The following IMP4 variants were observed in gnomAD, a reference collection of about 807,000 sequenced individuals.
IMP4 encodes the protein IMP U3 small nucleolar ribonucleoprotein 4.
In IMP4, 30 loss-of-function variants were observed where a neutral mutation model predicts 42.7. The observed-to-expected ratio is 0.70, with a 90% confidence interval of 0.53 to 0.95. The LOEUF (loss-of-function observed/expected upper bound fraction) is 0.95. Ranked by LOEUF, IMP4 falls within the 40% of genes least tolerant of loss-of-function variation. The probability of loss-of-function intolerance (pLI) is 0.00; values close to 1 mark genes in which losing one functional copy is unlikely to be tolerated. For synonymous variants in IMP4, 165 were observed against 165.2 expected (o/e 1.00, Z 0.01); for missense variants, 382 against 411.4 (o/e 0.93, Z 0.62).
chr2:130,345,406 G>A lies in IMP4; in HGVS notation c.227G>A (p.Arg76Gln), dbSNP rs1312400480. 7.4e-6 allele frequency: 12 copies of A among 1,614,020 alleles called. No homozygotes were observed. Among genetic ancestry groups the A allele is most frequent in the Non-Finnish European group, 6.8e-6 (8 of 1,179,942 alleles). The change falls in exon 4 of 9, where the codon CGA (arginine) becomes CAA (glutamine). Residue 76 changes from arginine (R) to glutamine (Q), a missense_variant. Coordinates refer to ENST00000259239, the MANE Select transcript of IMP4 (RefSeq NM_033416.3). This position sits in a 1 kb window ranked among gnomAD's most constrained non-coding sequence, Gnocchi z 4.9. ...ACCAGCCACGTGGATGATGAATACC[G>A]ATGGGCAGGAGTCGAGGATCCCAAG... ...GVTSHVDDEYRWAGVEDPKVM... is the reference protein window; with the variant it reads ...GVTSHVDDEYQWAGVEDPKVM...
intron 2 of IMP4, 125 bp from the exon 3 acceptor site, chr2:130,344,504 C>G: frequency 1.4e-6 from 1 of 711,338 alleles, no homozygotes; most frequent in Non-Finnish European, 2.5e-6. Context: ...ATGCTTTATC[C>G]AAGCTCAGAA....
rs1253279071 is a variant in IMP4, at chr2:130,346,396, A to G, written c.804A>G (p.Thr268=). ...TGGGCACGCTGGAGCAGGAGGCCAC[A>G]GCAGACGTGGAGTGGCGCTGGCACC... ...IRLGTLEQEA[T]ADVEWRWHPY... is the part of the protein sequence containing the mutation. The change falls in exon 9 of 9, where the codon ACA becomes ACG. Residue 268 remains threonine, a synonymous_variant. Transcript: ENST00000259239. 21 of 1,579,822 alleles carry G rather than the reference A, an allele frequency of 1.3e-5. No homozygotes were observed. The highest frequency in any genetic ancestry group is 1.8e-5 in the Non-Finnish European group (21 of 1,162,766).
Position 130,345,803 on chromosome 2 carries a change from C to T in IMP4, c.464C>T (p.Pro155Leu), listed in dbSNP as rs142910137. 6.1e-5 allele frequency: 98 copies of T among 1,613,842 alleles called. No individual in the cohort carries two copies. In the African/African-American group the frequency reaches 1.2e-3, roughly 20 times the overall value. Residue 155 changes from proline (P) to leucine (L), a missense_variant, in exon 6 of 9, where the codon CCC (proline) becomes CTC (leucine). Transcript: ENST00000259239. The surrounding 1 kb of genome is among the most constrained non-coding windows in gnomAD (Gnocchi z 4.9). ...GTGGGGCTCATCGTCAGCCACCTGCCCTTTGGTCCTACTGCCTACTTCACG... is the reference window on the plus strand; with the variant it reads ...GTGGGGCTCATCGTCAGCCACCTGCTCTTTGGTCCTACTGCCTACTTCACG... ...TPVGLIVSHLPFGPTAYFTLC... is the reference protein window; with the variant it reads ...TPVGLIVSHLLFGPTAYFTLC...
chr2:130,345,704 G>GGT lies in IMP4; in HGVS notation c.439+6_439+7insTG, dbSNP rs750804230. 4 of 1,613,450 alleles carry GGT rather than the reference G, an allele frequency of 2.5e-6. No homozygotes were observed. The African/African-American group carries it at 4.0e-5, about 16-fold the overall frequency. The stretch of plus-strand genomic sequence containing the variant: ...ACGAGCATCGGGGCACACCTGGTAA[G>GGT]GCCGGAGGGAGGGAGTCGGGGTGGG... On this transcript the variant is annotated splice_donor_region_variant and intron_variant, in intron 5 of 8. Coordinates refer to ENST00000259239, the MANE Select transcript of IMP4 (RefSeq NM_033416.3). The surrounding 1 kb of genome is among the most constrained non-coding windows in gnomAD (Gnocchi z 4.9).
Position 130,347,074 on chromosome 2 carries a change from G to T in IMP4, c.*606G>T, listed in dbSNP as rs1301068485. 1 of 156,412 alleles carries T rather than the reference G, an allele frequency of 6.4e-6. No homozygotes were observed. Among genetic ancestry groups the T allele is most frequent in the African/African-American group, 2.4e-5 (1 of 41,418 alleles). 9.7% of individuals were successfully genotyped at this position (156,412 alleles called of 1,614,324 possible). A position where few individuals can be genotyped will look rare whatever the true frequency, so the allele number is the denominator to read the frequency against. The stretch of plus-strand genomic sequence containing the variant: ...ACATGCCACATTTTCTTACCAATCC[G>T]TCCACCAATAGACACTTAGGTCGTT... On this transcript the variant is annotated 3_prime_UTR_variant, in exon 9 of 9. Transcript: ENST00000259239.
At chr2:130,343,847 A>T (rs1023491048) in intron 2 of IMP4, among the ~76,000 whole-genome samples, 2 of 151,888 alleles carry the variant, frequency 1.3e-5, no homozygotes, top group Non-Finnish European at 2.9e-5. Context: ...CTCCGTGGGG[A>T]ACAGTGCTGG....
chr2:130,343,414 G>A, intron 2 of IMP4: 1 of 709,472 alleles, frequency 1.4e-6, no homozygotes, highest in Non-Finnish European at 2.6e-6. Flanking sequence ...TGTGCAGTGT[G>A]TCAAGTTCGT....
rs1246994835 is a variant in IMP4, at chr2:130,347,490, C to G, written c.*1022C>G. 1 of 152,118 alleles carries G rather than the reference C, an allele frequency of 6.6e-6. No individual in the cohort carries two copies. Among genetic ancestry groups the G allele is most frequent in the Non-Finnish European group, 1.5e-5 (1 of 68,052 alleles). The allele number at this position is 152,118 out of a possible 1,614,324, so 9.4% of individuals were successfully genotyped here. A position where few individuals can be genotyped will look rare whatever the true frequency, so the allele number is the denominator to read the frequency against. On this transcript the variant is annotated 3_prime_UTR_variant, in exon 9 of 9. Transcript: ENST00000259239. Reference sequence around the variant, plus strand: ...TTTGTTCTTTGTTGTTGACTTGAGTCCCTTATATAGTTTGGATACTGCTGT... The same window carrying G: ...TTTGTTCTTTGTTGTTGACTTGAGTGCCTTATATAGTTTGGATACTGCTGT...
At position 130,346,325 on chromosome 2, in the gene IMP4, G is replaced by C. The variant is rs533870141; in HGVS notation, c.764-31G>C. Reference sequence around the variant, plus strand: ...CTGGGGTGGGGAGGGGAGGCTGGCTGTGCCGGGGCTGATGCCATCCCTGCC... The same window carrying C: ...CTGGGGTGGGGAGGGGAGGCTGGCTCTGCCGGGGCTGATGCCATCCCTGCC... On this transcript the variant is annotated intron_variant, in intron 8 of 8. Coordinates refer to ENST00000259239, the MANE Select transcript of IMP4 (RefSeq NM_033416.3). 80 of 1,606,358 alleles carry C rather than the reference G, an allele frequency of 5.0e-5. No homozygotes were observed. In the South Asian group the frequency reaches 8.1e-4, roughly 16 times the overall value.
rs1220901429 is a variant in IMP4 at position 130,345,505 on chromosome 2, G to A, written c.306+20G>A. On this transcript the variant is annotated intron_variant, in intron 4 of 8. Coordinates refer to ENST00000259239, the MANE Select transcript of IMP4 (RefSeq NM_033416.3). This position sits in a 1 kb window ranked among gnomAD's most constrained non-coding sequence, Gnocchi z 4.9. ...GCAAAGGTACTGGTGAGCAGGGAGT[G>A]AGGGAGAGACACCCAGGACACACAG... 2 of 1,614,026 alleles carry A rather than the reference G, an allele frequency of 1.2e-6. No homozygotes were observed. The highest frequency in any genetic ancestry group is 1.1e-5 in the South Asian group (1 of 91,066).
intron 1 of IMP4, 74 bp downstream of exon 1, chr2:130,343,009 G>A (rs752894898): frequency 6.2e-7 from 1 of 1,610,948 alleles, no homozygotes; most frequent in South Asian, 1.1e-5. Flanking sequence ...GGGACTTGGA[G>A]GCTCAGCGGC....
chr2:130,344,677 A>G lies in IMP4; in HGVS notation c.161A>G (p.Gln54Arg), dbSNP rs148309625. The G allele has an allele frequency of 4.6e-4, 741 of 1,613,950 alleles. No individual in the cohort carries two copies. Among genetic ancestry groups the G allele is most frequent in the Non-Finnish European group, 5.9e-4 (694 of 1,179,906 alleles). ...TELRREALAL[Q>R]GSLEFDDAGG... is the part of the protein sequence containing the mutation. ...TTACGCCGAGAGGCTCTGGCCTTAC[A>G]GGGGTCCCTGGAGTTTGATGATGCT... is the stretch of plus-strand genomic sequence containing the variant. The change falls in exon 3 of 9, where the codon CAG becomes CGG. Residue 54 changes from glutamine to arginine, a missense_variant. Gln to Arg is a conservative substitution (Grantham distance 43). Coordinates refer to ENST00000259239, the MANE Select transcript of IMP4 (RefSeq NM_033416.3).
Position 130,345,852 on chromosome 2 carries a change from T to G in IMP4, c.513T>G (p.His171Gln). ...CGCTGTGCAATGTGGTCATGCGGCATGACATCCCAGACCTGGGCACCATGT... is the reference window on the plus strand; with the variant it reads ...CGCTGTGCAATGTGGTCATGCGGCAGGACATCCCAGACCTGGGCACCATGT... ...YFTLCNVVMR[H>Q]DIPDLGTMSE... Residue 171 changes from histidine (H) to glutamine (Q), a missense_variant, in exon 6 of 9, where the codon CAT becomes CAG. By Grantham distance (24) the His-to-Gln change is conservative. Coordinates refer to ENST00000259239, the MANE Select transcript of IMP4 (RefSeq NM_033416.3). The surrounding 1 kb of genome is among the most constrained non-coding windows in gnomAD (Gnocchi z 4.9). The G allele has an allele frequency of 1.2e-6, 2 of 1,614,182 alleles. No individual in the cohort carries two copies. The highest frequency in any genetic ancestry group is 1.7e-6 in the Non-Finnish European group (2 of 1,180,030).
intron 3 of IMP4, 56 bp downstream of exon 3, chr2:130,344,768 C>A: frequency 1.7e-6 from 2 of 1,164,512 alleles, no homozygotes; most frequent in Non-Finnish European, 1.3e-6. Context: ...CCAGTCCTTC[C>A]TCAGACACAC....
At position 130,342,937 on chromosome 2, in the gene IMP4, T is replaced by C. The variant is rs745410531; in HGVS notation, c.3+2T>C. On this transcript the variant is annotated splice_donor_variant, in intron 1 of 8. Transcript: ENST00000259239. LOFTEE classifies it high-confidence loss of function. ...CACGTGGAAGCGGCACTCAAGATGGTAGGAGAATGAGCTCCTGTTTCGGAG... is the reference window on the plus strand; with the variant it reads ...CACGTGGAAGCGGCACTCAAGATGGCAGGAGAATGAGCTCCTGTTTCGGAG... 7.5e-5 allele frequency: 121 copies of C among 1,614,014 alleles called. No individual in the cohort carries two copies. The highest frequency in any genetic ancestry group is 9.7e-5 in the Non-Finnish European group (114 of 1,180,002).
At position 130,345,801 on chromosome 2, in the gene IMP4, G is replaced by C; in HGVS notation, c.462G>C (p.Leu154=). The C allele has an allele frequency of 6.2e-7, 1 of 1,613,868 alleles. No homozygotes were observed. The highest frequency in any genetic ancestry group is 1.1e-5 in the South Asian group (1 of 91,086). Residue 154 remains leucine (L), a synonymous_variant, in exon 6 of 9, where the codon CTG becomes CTC. Coordinates refer to ENST00000259239, the MANE Select transcript of IMP4 (RefSeq NM_033416.3). This position sits in a 1 kb window ranked among gnomAD's most constrained non-coding sequence, Gnocchi z 4.9. ...GTPVGLIVSH[L]PFGPTAYFTL... is the part of the protein sequence containing the mutation. Reference sequence around the variant, plus strand: ...CAGTGGGGCTCATCGTCAGCCACCTGCCCTTTGGTCCTACTGCCTACTTCA... The same window carrying C: ...CAGTGGGGCTCATCGTCAGCCACCTCCCCTTTGGTCCTACTGCCTACTTCA...
At position 130,343,034 on chromosome 2, in the gene IMP4, G is replaced by T. The variant is rs1679149627; in HGVS notation, c.4-52G>T. On this transcript the variant is annotated intron_variant, in intron 1 of 8. Transcript: ENST00000259239. ...GGCTCAGCGGCTCCGGGGCTCCGGG[G>T]TTCCGGGGCTCGGGAGCGAGTAGTG... The T allele has an allele frequency of 3.1e-6, 5 of 1,604,024 alleles. No individual in the cohort carries two copies. In the East Asian group the frequency reaches 1.1e-4, roughly 36 times the overall value.
rs920400256 is a variant in IMP4, at chr2:130,346,865, G to A, written c.*397G>A. On this transcript the variant is annotated 3_prime_UTR_variant, in exon 9 of 9. Transcript: ENST00000259239. ...GCAGCCCACCAAGTTAACTCACTGA[G>A]TGGAAGCCGCCAGTGTGCCAACGCG... is the stretch of plus-strand genomic sequence containing the variant. 7.3e-6 allele frequency: 2 copies of A among 272,416 alleles called. No individual in the cohort carries two copies. The highest frequency in any genetic ancestry group is 4.8e-5 in the Admixed American group (1 of 20,748). 16.9% of individuals were successfully genotyped at this position (272,416 alleles called of 1,614,324 possible). A position where few individuals can be genotyped will look rare whatever the true frequency, so the allele number is the denominator to read the frequency against.
chr2:130,346,101 C>T lies in IMP4; in HGVS notation c.678C>T (p.Tyr226=), dbSNP rs1174239276. ...RVITFANQDD[Y]ISFRHHVYKK... ...TCACCTTCGCAAACCAGGACGACTA[C>T]ATATCATTCCGGTGGGTCCACGGGC... Residue 226 remains tyrosine, a synonymous_variant, in exon 7 of 9, where the codon TAC becomes TAT. Transcript: ENST00000259239. 6.2e-7 allele frequency: 1 copy of T among 1,614,172 alleles called. No individual in the cohort carries two copies. Among genetic ancestry groups the T allele is most frequent in the Non-Finnish European group, 8.5e-7 (1 of 1,179,976 alleles).
Sources: allele counts gnomAD v4.1 joint callset (sites outside exome capture counted in the v4.1 genomes callset), GRCh38; gene constraint gnomAD v4.1.1; non-coding constraint Gnocchi (gnomAD v3.1); transcripts MANE v1.5; gene names NCBI Gene and HGNC (gene_info 2026-07-23, HGNC 2026-07-21).